The following CATSPERD variants were observed in gnomAD, a reference collection of about 807,000 sequenced individuals.
CATSPERD encodes the protein cation channel sperm-associated auxiliary subunit delta.
In CATSPERD, 86 loss-of-function variants were observed where a neutral mutation model predicts 98.1. That is an observed-to-expected ratio of 0.88 (90% CI 0.74 to 1.05). The LOEUF (loss-of-function observed/expected upper bound fraction) is 1.05, where lower values mean the gene tolerates loss of function less well. Among genes scored for constraint, CATSPERD ranks in the 50% least tolerant of loss-of-function variants. CATSPERD has a pLI of 0.00. For missense variants in CATSPERD, 995 were observed against 1,005.7 expected, an observed-to-expected ratio of 0.99 and a Z score of 0.14; for synonymous variants, 394 against 390.2, an observed-to-expected ratio of 1.01 and a Z score of -0.12.
In CATSPERD at chr19:5,765,971, G is replaced by T. The variant is rs555285035; in HGVS notation, c.1507-132G>T. 3.4e-5 allele frequency: 19 copies of T among 552,904 alleles called. No homozygotes were observed. In the Admixed American group the frequency reaches 4.1e-4, roughly 12 times the overall value. 34.2% of individuals were successfully genotyped at this position (552,904 alleles called of 1,614,324 possible). ...GTTACGGTGCATCCCAGGCATCCAG[G>T]GACACGCTGTTGGGATCCAGGCCAC... On this transcript the variant is annotated intron_variant, in intron 16 of 21. Transcript: ENST00000381624.
At chr19:5,762,058 A>ATATATATTTTTT in intron 15 of CATSPERD, among the ~76,000 whole-genome samples, 12 of 10,440 alleles carry the variant, frequency 1.1e-3, no homozygotes, top group African/African-American at 3.6e-3. Flanking sequence ...ATATATATAT[A>ATATATATTTTTT]TTTTTTTTTT....
chr19:5,745,886 A>T (rs771606317), intron 8 of CATSPERD, 27 bp from the exon 9 acceptor site: 2 of 1,611,944 alleles, frequency 1.2e-6, no homozygotes, highest in South Asian at 2.2e-5. Context: ...GTTTGGGGAG[A>T]GGCTGAATGG....
chr19:5,774,319 T>C (rs965175884), intron 20 of CATSPERD, among the ~76,000 whole-genome samples: 2 of 152,108 alleles, frequency 1.3e-5, no homozygotes, highest in Non-Finnish European at 2.9e-5. Context: ...TCATTGCAAA[T>C]TGCATGAGTG....
intron 11 of CATSPERD, among the ~76,000 whole-genome samples, chr19:5,749,828 G>C (rs554188954): frequency 6.8e-6 from 1 of 147,164 alleles, no homozygotes; most frequent in South Asian, 2.2e-4. Flanking sequence ...TTTTGAGATG[G>C]AGTCTCACTC....
At chr19:5,751,197 CAAAAAAAAAAAAAAAA>C (rs556079596) in intron 11 of CATSPERD, among the ~76,000 whole-genome samples, 3 of 46,600 alleles carry the variant, frequency 6.4e-5, no homozygotes, top group Non-Finnish European at 1.2e-4. Flanking sequence ...GATTCCGTCT[CAAAAAAAAAAAAAAAA>C]AAAAAAAAAA....
At chr19:5,747,156 C>T (rs917435278) in intron 9 of CATSPERD, among the ~76,000 whole-genome samples, 1 of 146,916 alleles carries the variant, frequency 6.8e-6, no homozygotes, top group South Asian at 2.1e-4. Context: ...GTTTTATCCT[C>T]ACAATGGTTT....
chr19:5,722,155 CTCG>C (rs2055498369), intron 1 of CATSPERD, among the ~76,000 whole-genome samples: 1 of 151,846 alleles, frequency 6.6e-6, no homozygotes, highest in Non-Finnish European at 1.5e-5. Context: ...GAGTCTTGTT[CTCG>C]TCGCCCAGGC....
At chr19:5,746,595 ATTT>A (rs920861269) in intron 9 of CATSPERD, among the ~76,000 whole-genome samples, 5 of 146,666 alleles carry the variant, frequency 3.4e-5, no homozygotes, top group African/African-American at 1.2e-4. Context: ...TGCCCGGCTA[ATTT>A]TTTTTTTTGT....
rs769839617 is a variant in CATSPERD at position 5,759,062 on chromosome 19, G to A, written c.1369-24G>A. The A allele has an allele frequency of 1.2e-5, 19 of 1,611,964 alleles. No individual in the cohort carries two copies. The African/African-American group carries it at 1.9e-4, about 16-fold the overall frequency. On this transcript the variant is annotated intron_variant, in intron 14 of 21. Coordinates refer to ENST00000381624, the MANE Select transcript of CATSPERD (RefSeq NM_152784.4). ...CCATGGTGTTCCACGGATACACTTG[G>A]GATTTTCTCTCTTGACCCCACAGGA...
At chr19:5,771,572 G>A (rs1199308637) in intron 19 of CATSPERD, among the ~76,000 whole-genome samples, 1 of 150,902 alleles carries the variant, frequency 6.6e-6, no homozygotes. Context: ...CACTCCTGCT[G>A]TCTTCCTGTT....
intron 21 of CATSPERD, among the ~76,000 whole-genome samples, chr19:5,777,312 A>G (rs2436493): frequency 0.36 from 54,927 of 151,882 alleles, 13,944 homozygotes; most frequent in African/African-American, 0.72. Context: ...GATGTCCACC[A>G]GAGAGAGGAG....
Position 5,771,062 on chromosome 19 carries a change from G to A in CATSPERD, c.1753G>A (p.Val585Met), listed in dbSNP as rs768635959. ...LVYYDTLWKP[V>M]VELWRKDSFQ... ...CTACTATGACACCCTATGGAAGCCC[G>A]TGGTGGAGCTGTAAGACCCCAGGGG... The change falls in exon 19 of 22, where the codon GTG (valine) becomes ATG (methionine). Residue 585 changes from valine (V) to methionine (M), a missense_variant. Physicochemically the swap from Val to Met is conservative, Grantham distance 21. This residue lies in a region of CATSPERD where 762 missense variants were observed against 773.7 expected (regional missense o/e 0.98). Coordinates refer to ENST00000381624, the MANE Select transcript of CATSPERD (RefSeq NM_152784.4). The A allele has an allele frequency of 1.6e-5, 26 of 1,613,356 alleles. No homozygotes were observed. The highest frequency in any genetic ancestry group is 1.6e-4 in the Middle Eastern group (1 of 6,076).
chr19:5,770,835 A>T, intron 18 of CATSPERD, 109 bp from the exon 19 acceptor site: 1 of 1,298,672 alleles, frequency 7.7e-7, no homozygotes, highest in Non-Finnish European at 1.1e-6. Flanking sequence ...ACCTCCTGCC[A>T]CTCTCATGGA....
chr19:5,746,743 CAT>C (rs1189016527), intron 9 of CATSPERD, among the ~76,000 whole-genome samples: 2 of 151,992 alleles, frequency 1.3e-5, no homozygotes, highest in Non-Finnish European at 2.9e-5. Flanking sequence ...ATTTCTTTAA[CAT>C]GTGGGAAGGC....
intron 2 of CATSPERD, 33 bp downstream of exon 2, chr19:5,724,895 C>T: frequency 6.2e-7 from 1 of 1,606,586 alleles, no homozygotes; most frequent in Non-Finnish European, 8.5e-7. Context: ...TCATCCTTCA[C>T]TTTTGTCTAA....
intron 1 of CATSPERD, among the ~76,000 whole-genome samples, chr19:5,722,730 A>ACCC (rs34338163): frequency 1.7e-3 from 240 of 140,024 alleles, no homozygotes; most frequent in African/African-American, 6.0e-3. Context: ...GTTTATCAAG[A>ACCC]CCCCCCCCCC....
Position 5,749,085 on chromosome 19 carries a change from G to A in CATSPERD, c.905-16G>A. The A allele has an allele frequency of 6.2e-7, 1 of 1,608,820 alleles. No homozygotes were observed. Among genetic ancestry groups the A allele is most frequent in the Non-Finnish European group, 8.5e-7 (1 of 1,176,666 alleles). On this transcript the variant is annotated splice_polypyrimidine_tract_variant and intron_variant, in intron 10 of 21. Coordinates refer to ENST00000381624, the MANE Select transcript of CATSPERD (RefSeq NM_152784.4). ...AGCATTTCAATTTTTGTTTTGTCTT[G>A]TTTTGTTTTTCCCAGCTGAAAATGA...
At position 5,753,626 on chromosome 19, in the gene CATSPERD, T is replaced by G. The variant is rs117215613; in HGVS notation, c.1165-506T>G. 1,524 of 390,980 alleles carry G rather than the reference T, an allele frequency of 3.9e-3. 22 individuals are homozygous for G. The highest frequency in any genetic ancestry group is 0.022 in the Admixed American group (706 of 32,310). The allele number at this position is 390,980 out of a possible 1,614,324, so 24.2% of individuals were successfully genotyped here. On this transcript the variant is annotated intron_variant, in intron 12 of 21. Transcript: ENST00000381624. ...GCTCACAACTGTAACCTCAAGCACTTTGGGAGGCCGAGATGGGAGGATCAC... is the reference window on the plus strand; with the variant it reads ...GCTCACAACTGTAACCTCAAGCACTGTGGGAGGCCGAGATGGGAGGATCAC...
At position 5,770,948 on chromosome 19, in the gene CATSPERD, T is replaced by C. The variant is rs750003689; in HGVS notation, c.1639T>C (p.Phe547Leu). 1.4e-5 allele frequency: 22 copies of C among 1,607,024 alleles called. No homozygotes were observed. Among genetic ancestry groups the C allele is most frequent in the Non-Finnish European group, 1.5e-5 (18 of 1,176,998 alleles). Residue 547 changes from phenylalanine to leucine, a missense_variant, in exon 19 of 22, where the codon TTC becomes CTC. This residue lies in a region of CATSPERD where 762 missense variants were observed against 773.7 expected (regional missense o/e 0.98). Coordinates refer to ENST00000381624, the MANE Select transcript of CATSPERD (RefSeq NM_152784.4). The stretch of plus-strand genomic sequence containing the variant: ...CTGCTTCTTGGTGTCTTGAAGGGAA[T>C]TCTACGACCCCGGCTTCCAGGGGCA... Reference protein sequence around the residue: ...DNYSFIIEKEFYDPGFQGQQS... With the variant: ...DNYSFIIEKELYDPGFQGQQS...
Sources: allele counts gnomAD v4.1 joint callset (sites outside exome capture counted in the v4.1 genomes callset), GRCh38; gene constraint gnomAD v4.1.1; regional missense constraint gnomAD v4.1.1; transcripts MANE v1.5; gene names NCBI Gene and HGNC (gene_info 2026-07-23, HGNC 2026-07-21).